VPS13B: variants seen among roughly 807,000 people sequenced by gnomAD.
VPS13B encodes vacuolar protein sorting 13 homolog B, also known as intermembrane lipid transfer protein VPS13B.
Under a neutral mutation model 426.4 loss-of-function variants are expected in VPS13B, and 285 were observed. That is an observed-to-expected ratio of 0.67 (90% CI 0.61 to 0.74). The LOEUF is 0.74. Among genes scored for constraint, VPS13B ranks in the 30% least tolerant of loss-of-function variants. The pLI is 0.00. For missense variants in VPS13B, 4,537 were observed against 4,782.6 expected (o/e 0.95, Z 1.51); for synonymous variants, 1,676 against 1,676.4 (o/e 1.00, Z 0.01).
intron 19 of VPS13B, among the ~76,000 whole-genome samples, chr8:99,352,680 C>T (rs967488729): frequency 2.0e-5 from 3 of 151,788 alleles, no homozygotes; most frequent in East Asian, 2.0e-4. Context: ...AAAAATTAGC[C>T]GGACATGGTA....
At chr8:99,426,017 C>G (rs1490494755) in intron 21 of VPS13B, among the ~76,000 whole-genome samples, 1 of 150,240 alleles carries the variant, frequency 6.7e-6, no homozygotes, top group Admixed American at 6.7e-5. Context: ...CCCACTAACT[C>G]GTCATCTAGC....
intron 16 of VPS13B, among the ~76,000 whole-genome samples, chr8:99,188,523 C>T (rs1261770373): frequency 1.3e-5 from 2 of 152,070 alleles, no homozygotes; most frequent in East Asian, 3.9e-4. Flanking sequence ...AGAATAGTGC[C>T]GCAATGAACA....
intron 30 of VPS13B, among the ~76,000 whole-genome samples, chr8:99,544,269 C>T (rs1247584411): frequency 1.3e-5 from 2 of 151,926 alleles, no homozygotes; most frequent in Non-Finnish European, 2.9e-5. Context: ...ACAATGAGAA[C>T]ACTTGGACAC....
intron 17 of VPS13B, among the ~76,000 whole-genome samples, chr8:99,214,904 A>G (rs1278306656): frequency 6.6e-6 from 1 of 152,182 alleles, no homozygotes; most frequent in Non-Finnish European, 1.5e-5. Context: ...TCTCAAAAGA[A>G]CTATGCTTCT....
At chr8:99,066,935 A>G (rs895315002) in intron 3 of VPS13B, among the ~76,000 whole-genome samples, 26 of 152,244 alleles carry the variant, frequency 1.7e-4, no homozygotes, top group African/African-American at 6.3e-4. Context: ...AATGAAAACC[A>G]CAGTGAGATA....
intron 33 of VPS13B, among the ~76,000 whole-genome samples, chr8:99,603,668 A>T (rs554689681): frequency 1.3e-5 from 2 of 152,224 alleles, no homozygotes; most frequent in African/African-American, 4.8e-5. Context: ...GGGAGACTTC[A>T]TCACACTACT....
intron 15 of VPS13B, among the ~76,000 whole-genome samples, chr8:99,168,319 A>G (rs1028624897): frequency 1.6e-4 from 25 of 151,854 alleles, no homozygotes; most frequent in African/African-American, 6.0e-4. Flanking sequence ...TCTGCAGACA[A>G]CCAGCAGGGG....
At chr8:99,112,424 C>A (rs1214961448) in intron 6 of VPS13B, among the ~76,000 whole-genome samples, 3 of 151,974 alleles carry the variant, frequency 2.0e-5, no homozygotes, top group African/African-American at 7.2e-5. Context: ...TTTTACGTAG[C>A]CTTACTGTAC....
intron 33 of VPS13B, among the ~76,000 whole-genome samples, chr8:99,636,664 T>C (rs1450993576): frequency 2.0e-5 from 3 of 152,014 alleles, no homozygotes; most frequent in Non-Finnish European, 4.4e-5. Flanking sequence ...ATTTTGTTTT[T>C]AGCCTTTGAT....
At chr8:99,662,903 A>T (rs1324881547) in intron 35 of VPS13B, among the ~76,000 whole-genome samples, 1 of 152,092 alleles carries the variant, frequency 6.6e-6, no homozygotes, top group African/African-American at 2.4e-5. Context: ...CAATAAAAAT[A>T]AAAAATTAGC....
chr8:99,107,645 T>C (rs1166907369), intron 5 of VPS13B, among the ~76,000 whole-genome samples: 3 of 152,206 alleles, frequency 2.0e-5, no homozygotes, highest in Admixed American at 1.3e-4. Flanking sequence ...ATATTGACAT[T>C]GCCCATAGTG....
chr8:99,205,478 A>G (rs1315108769), intron 17 of VPS13B, among the ~76,000 whole-genome samples: 1 of 152,192 alleles, frequency 6.6e-6, no homozygotes, highest in African/African-American at 2.4e-5. Context: ...TGTTCTACAC[A>G]TGTATCCCAG....
At chr8:99,653,352 G>A (rs1829898451) in intron 34 of VPS13B, among the ~76,000 whole-genome samples, 1 of 152,136 alleles carries the variant, frequency 6.6e-6, no homozygotes, top group African/African-American at 2.4e-5. Flanking sequence ...GAAAATGGGG[G>A]GAATCATTTA....
chr8:99,028,108 A>G (rs927326690), intron 2 of VPS13B, among the ~76,000 whole-genome samples: 6 of 152,132 alleles, frequency 3.9e-5, no homozygotes, highest in African/African-American at 1.2e-4. Context: ...TCCCATGTCT[A>G]CTTCTCTCCA....
chr8:99,528,056 C>T (rs1822741227), intron 30 of VPS13B: 1 of 151,940 alleles, frequency 6.6e-6, no homozygotes. Context: ...ATGGTTGTTT[C>T]TATTAAATAA....
At chr8:99,712,768 A>C (rs1832756088) in intron 36 of VPS13B, among the ~76,000 whole-genome samples, 2 of 152,066 alleles carry the variant, frequency 1.3e-5, no homozygotes, top group African/African-American at 4.8e-5. Flanking sequence ...CCAAAAAAAA[A>C]AAAAAAAATA....
chr8:99,710,212 T>C (rs1475706388), intron 36 of VPS13B, among the ~76,000 whole-genome samples: 1 of 151,874 alleles, frequency 6.6e-6, no homozygotes, highest in East Asian at 1.9e-4. Context: ...TTATTTGTTA[T>C]AAACACACAC....
At chr8:99,197,070 A>G (rs376624719) in intron 17 of VPS13B, among the ~76,000 whole-genome samples, 10 of 152,194 alleles carry the variant, frequency 6.6e-5, no homozygotes, top group African/African-American at 1.9e-4. Flanking sequence ...TTCTGCATCT[A>G]TTGAGATGAT....
chr8:99,482,906 C>T (rs1820117739), intron 25 of VPS13B, among the ~76,000 whole-genome samples: 1 of 151,944 alleles, frequency 6.6e-6, no homozygotes. Context: ...ACAAAAAATA[C>T]CCCCATTCAT....
Sources: gnomAD v4.1 joint callset for allele counts (sites outside exome capture counted in the v4.1 genomes callset) on GRCh38, gnomAD v4.1.1 for gene constraint, MANE v1.5 for transcripts, NCBI Gene and HGNC (gene_info 2026-07-23, HGNC 2026-07-21) for gene names.